Variants in GRM5 observed in about 807,000 individuals in gnomAD.
GRM5 encodes the protein metabotropic glutamate receptor 5.
Under a neutral mutation model 83.1 loss-of-function variants are expected in GRM5, and 19 were observed. The observed-to-expected ratio is 0.23, with a 90% confidence interval of 0.16 to 0.34. The LOEUF is 0.34. GRM5 is among the 10% of genes least tolerant of loss of function. The pLI, the probability that GRM5 is intolerant of heterozygous loss-of-function variation, is 1.00. For synonymous variants in GRM5, 675 were observed against 633.6 expected (o/e 1.07, Z -0.98); for missense variants, 1,160 against 1,588.3 (o/e 0.73, Z 4.58).
At chr11:88,829,034 T>C (rs1354068687) in intron 3 of GRM5, among the ~76,000 whole-genome samples, 1 of 151,254 alleles carries the variant, frequency 6.6e-6, no homozygotes, top group Admixed American at 6.6e-5. Flanking sequence ...ATTTTATAAT[T>C]AGAAAAAAAT....
rs546083350 is a variant in GRM5 at position 88,509,521 on chromosome 11, G to A, written c.2727-17C>T. 3.3e-5 allele frequency: 53 copies of A among 1,597,932 alleles called. No homozygotes were observed. The African/African-American group carries it at 6.3e-4, about 19-fold the overall frequency. ...CCATTGGAACTGAGGAGAGAAGGGA[G>A]AGGAAAGGTGACTCAGCGAGGTGCC... On this transcript the variant is annotated splice_polypyrimidine_tract_variant and intron_variant, in intron 9 of 9. Transcript: ENST00000305447.
chr11:88,772,899 G>A (rs1408381778), intron 3 of GRM5, among the ~76,000 whole-genome samples: 3 of 152,118 alleles, frequency 2.0e-5, no homozygotes, highest in South Asian at 2.1e-4. Flanking sequence ...GAATGGTGCC[G>A]CAATAAACAT....
At chr11:89,059,677 T>C (rs1189686211) in intron 1 of GRM5, among the ~76,000 whole-genome samples, 1 of 152,104 alleles carries the variant, frequency 6.6e-6, no homozygotes, top group Non-Finnish European at 1.5e-5. Flanking sequence ...TGTAATAACA[T>C]AGGAAACGCA....
chr11:88,539,903 TA>T (rs376155250), intron 8 of GRM5, among the ~76,000 whole-genome samples: 54 of 152,314 alleles, frequency 3.5e-4, no homozygotes, highest in African/African-American at 1.2e-3. Context: ...TACCAATTAT[TA>T]ACAAATTATA....
chr11:88,786,692 CT>C (rs1475917047), intron 3 of GRM5, among the ~76,000 whole-genome samples: 1 of 152,064 alleles, frequency 6.6e-6, no homozygotes, highest in African/African-American at 2.4e-5. Flanking sequence ...TCCTGACTAC[CT>C]TATTTTAAAA....
Position 88,732,139 on chromosome 11 carries a change from A to G in GRM5, c.912-78736T>C, listed in dbSNP as rs372232662. Among the ~76,000 whole-genome samples, 3 of 152,182 alleles carry G rather than the reference A, an allele frequency of 2.0e-5. No individual in the cohort carries two copies. The South Asian group carries it at 6.2e-4, about 32-fold the overall frequency. ...CCCACTACACACTGTACATGTCTCTATCATAGCACTTAGCAAACTAAACTA... is the reference window on the plus strand; with the variant it reads ...CCCACTACACACTGTACATGTCTCTGTCATAGCACTTAGCAAACTAAACTA... On this transcript the variant is annotated intron_variant, in intron 3 of 9. Coordinates refer to ENST00000305447, the MANE Select transcript of GRM5 (RefSeq NM_001143831.3).
At chr11:88,992,439 C>G (rs980345924) in intron 2 of GRM5, among the ~76,000 whole-genome samples, 2 of 152,094 alleles carry the variant, frequency 1.3e-5, no homozygotes, top group Admixed American at 6.5e-5. Flanking sequence ...CTAGTTCAAC[C>G]ATTGTGGAAG....
intron 3 of GRM5, among the ~76,000 whole-genome samples, chr11:88,774,078 C>T (rs898041949): frequency 5.9e-5 from 9 of 152,238 alleles, no homozygotes; most frequent in African/African-American, 2.2e-4. Flanking sequence ...TTTTTCCTAT[C>T]CATGAGCATG....
At chr11:88,614,578 C>CT (rs1938418427) in intron 4 of GRM5, among the ~76,000 whole-genome samples, 1 of 152,078 alleles carries the variant, frequency 6.6e-6, no homozygotes, top group African/African-American at 2.4e-5. Context: ...AATTTTGAGC[C>CT]TTTTTAATTT....
chr11:89,009,692 C>G (rs1425142792), intron 2 of GRM5, among the ~76,000 whole-genome samples: 1 of 151,184 alleles, frequency 6.6e-6, no homozygotes, highest in East Asian at 1.9e-4. Context: ...GTCAGGAGAT[C>G]GAGACCATCC....
intron 3 of GRM5, among the ~76,000 whole-genome samples, chr11:88,798,706 T>G (rs1943328005): frequency 6.6e-6 from 1 of 151,166 alleles, no homozygotes; most frequent in Non-Finnish European, 1.5e-5. Flanking sequence ...ATTGTTGTTT[T>G]GTGGATAGGA....
chr11:88,998,270 T>A (rs1319516403), intron 2 of GRM5, among the ~76,000 whole-genome samples: 1 of 152,160 alleles, frequency 6.6e-6, no homozygotes, highest in South Asian at 2.1e-4. Flanking sequence ...ATTCCAGGGA[T>A]GCGAGGTTGG....
chr11:88,711,434 A>T (rs1477142023), intron 3 of GRM5, among the ~76,000 whole-genome samples: 2 of 152,126 alleles, frequency 1.3e-5, no homozygotes, highest in African/African-American at 4.8e-5. Flanking sequence ...AATGAAAGGG[A>T]CATTCTTTCT....
chr11:88,621,572 C>T (rs1158124778), intron 4 of GRM5, among the ~76,000 whole-genome samples: 1 of 152,146 alleles, frequency 6.6e-6, no homozygotes, highest in African/African-American at 2.4e-5. Flanking sequence ...TGTTATTGTA[C>T]ATCTAGTACA....
At chr11:88,823,964 T>C (rs1943847941) in intron 3 of GRM5, among the ~76,000 whole-genome samples, 1 of 152,184 alleles carries the variant, frequency 6.6e-6, no homozygotes, top group South Asian at 2.1e-4. Flanking sequence ...GATCATTCCA[T>C]CTTCCAGAAG....
At chr11:88,593,595 C>CTG (rs1937704871) in intron 6 of GRM5, among the ~76,000 whole-genome samples, 1 of 151,054 alleles carries the variant, frequency 6.6e-6, no homozygotes, top group Non-Finnish European at 1.5e-5. Flanking sequence ...GGAGAATCAC[C>CTG]TGAACCCGGG....
chr11:88,863,029 C>A (rs1047804559), intron 2 of GRM5, among the ~76,000 whole-genome samples: 1 of 152,134 alleles, frequency 6.6e-6, no homozygotes, highest in African/African-American at 2.4e-5. Context: ...CATCACTGAT[C>A]ATTAGAGAAA....
At chr11:88,798,027 T>G (rs978493968) in intron 3 of GRM5, among the ~76,000 whole-genome samples, 41 of 152,264 alleles carry the variant, frequency 2.7e-4, no homozygotes, top group Admixed American at 1.9e-3. Flanking sequence ...CCCATGCTTC[T>G]CTCTCACTGA....
intron 2 of GRM5, among the ~76,000 whole-genome samples, chr11:89,014,415 T>C (rs536023318): frequency 3.2e-4 from 48 of 152,246 alleles, no homozygotes; most frequent in African/African-American, 1.2e-3. Context: ...TTGGTTTCAA[T>C]GCTATTACTT....
Sources: allele counts gnomAD v4.1 joint callset (sites outside exome capture counted in the v4.1 genomes callset), GRCh38; gene constraint gnomAD v4.1.1; transcripts MANE v1.5; gene names NCBI Gene and HGNC (gene_info 2026-07-23, HGNC 2026-07-21).